MYO10: variants seen among roughly 807,000 people sequenced by gnomAD.
The protein encoded by MYO10 is unconventional myosin-X.
A neutral mutation model predicts 257.3 loss-of-function variants in MYO10; 133 were observed. That is an observed-to-expected ratio of 0.52 (90% CI 0.45 to 0.60). The LOEUF (loss-of-function observed/expected upper bound fraction) is 0.60. Ranked by LOEUF, MYO10 falls within the 20% of genes least tolerant of loss-of-function variation. The pLI is 0.00. For synonymous variants in MYO10, 1,104 were observed against 1,028.6 expected, an observed-to-expected ratio of 1.07 and a Z score of -1.40; for missense variants, 2,399 against 2,635.7, an observed-to-expected ratio of 0.91 and a Z score of 1.97.
chr5:16,746,779 C>T (rs1038076593), intron 19 of MYO10, among the ~76,000 whole-genome samples: 3 of 152,168 alleles, frequency 2.0e-5, no homozygotes, highest in Non-Finnish European at 4.4e-5. Context: ...CTGCTGTAAT[C>T]GGTGGTGCCT....
intron 21 of MYO10, among the ~76,000 whole-genome samples, chr5:16,706,583 C>A (rs910018442): frequency 6.6e-6 from 1 of 151,842 alleles, no homozygotes; most frequent in African/African-American, 2.4e-5. Context: ...GTGGTGGTGA[C>A]GAAAGAGACA....
Position 16,701,544 on chromosome 5 carries a change from C to A in MYO10, c.2851G>T (p.Asp951Tyr), listed in dbSNP as rs771275178. The A allele has an allele frequency of 6.2e-7, 1 of 1,613,964 alleles. No individual in the cohort carries two copies. The highest frequency in any genetic ancestry group is 8.5e-7 in the Non-Finnish European group (1 of 1,179,892). The change falls in exon 25 of 41, where the codon GAC (aspartate) becomes TAC (tyrosine). Residue 951 changes from aspartate to tyrosine, a missense_variant. By Grantham distance (160) the Asp-to-Tyr change is radical. Transcript: ENST00000513610. This position sits in a 1 kb window ranked among gnomAD's most constrained non-coding sequence, Gnocchi z 8.1. ...CGCTCGATATTCCGGACACACTCGT[C>A]GATCTCGTCGAAATTGAGGGACTCG... The part of the protein sequence containing the change: ...FLESLNFDEI[D>Y]ECVRNIERSL...
At chr5:16,748,303 G>A (rs1256915038) in intron 19 of MYO10, among the ~76,000 whole-genome samples, 1 of 151,980 alleles carries the variant, frequency 6.6e-6, no homozygotes, top group Non-Finnish European at 1.5e-5. Context: ...GGAGTGCAGT[G>A]GTGTGATCTC....
At position 16,760,794 on chromosome 5, in the gene MYO10, C is replaced by T. The variant is rs1049701116; in HGVS notation, c.1739+670G>A. ...AACCAGACCAGATCAAAACTGGACT[C>T]GATGGCTCACTGGTTACCAGTTGAG... is the stretch of plus-strand genomic sequence containing the variant. On this transcript the variant is annotated intron_variant, in intron 17 of 40. Coordinates refer to ENST00000513610, the MANE Select transcript of MYO10 (RefSeq NM_012334.3). Among the ~76,000 whole-genome samples, 12 of 151,966 alleles carry T rather than the reference C, an allele frequency of 7.9e-5. No individual in the cohort carries two copies. In the South Asian group the frequency reaches 8.3e-4, roughly 11 times the overall value.
At chr5:16,810,460 A>G (rs1397587171) in intron 3 of MYO10, among the ~76,000 whole-genome samples, 1 of 152,028 alleles carries the variant, frequency 6.6e-6, no homozygotes, top group Non-Finnish European at 1.5e-5. Context: ...TCCCTCTTAA[A>G]TCTTCTGAAA....
rs543115915 is a variant in MYO10, at chr5:16,850,132, A to G, written c.120+27477T>C. On this transcript the variant is annotated intron_variant, in intron 2 of 40. Coordinates refer to ENST00000513610, the MANE Select transcript of MYO10 (RefSeq NM_012334.3). ...GGTCTACACTGATATCCTTCAGTGT[A>G]TTCGTATTTGTCCACTGTGCCTGGA... Among the ~76,000 whole-genome samples, 21 of 152,336 alleles carry G rather than the reference A, an allele frequency of 1.4e-4. No individual in the cohort carries two copies. In the South Asian group the frequency reaches 4.1e-3, roughly 30 times the overall value.
At chr5:16,672,877 G>T (rs773568301) in intron 36 of MYO10, 52 bp from the exon 37 acceptor site, 2 of 1,584,556 alleles carry the variant, frequency 1.3e-6, no homozygotes, top group Non-Finnish European at 1.7e-6. Flanking sequence ...GCCCCAACAC[G>T]TGTTCCCAGA....
intron 1 of MYO10, among the ~76,000 whole-genome samples, chr5:16,900,744 G>GTTTGT (rs1554007454): frequency 3.8e-5 from 5 of 132,752 alleles, no homozygotes; most frequent in Non-Finnish European, 6.3e-5. Context: ...CCTAAATCTT[G>GTTTGT]TTTTTTTTTT....
chr5:16,933,956 C>T (rs1357340012), intron 1 of MYO10, among the ~76,000 whole-genome samples: 1 of 152,176 alleles, frequency 6.6e-6, no homozygotes, highest in Non-Finnish European at 1.5e-5. Flanking sequence ...GCTCTGGATT[C>T]GTGAACAAGC....
chr5:16,866,054 C>CACACACACAT (rs1252247880), intron 2 of MYO10, among the ~76,000 whole-genome samples: 8 of 147,066 alleles, frequency 5.4e-5, no homozygotes, highest in African/African-American at 2.0e-4. Flanking sequence ...CACACACACA[C>CACACACACAT]ACACAAAACA....
At chr5:16,818,348 C>G (rs79331606) in intron 2 of MYO10, among the ~76,000 whole-genome samples, 181 bp from the exon 3 acceptor site, 2,259 of 145,426 alleles carry the variant, frequency 0.016, 71 homozygotes, top group African/African-American at 0.05. Context: ...CTCTCTCTCT[C>G]TGTGTGTGTA....
chr5:16,734,605 G>A (rs1171429967), intron 19 of MYO10, among the ~76,000 whole-genome samples: 1 of 152,130 alleles, frequency 6.6e-6, no homozygotes, highest in African/African-American at 2.4e-5. Context: ...AGGAGTTCGA[G>A]ACCAGCCTGG....
At chr5:16,780,910 CATCTAA>C (rs1398250405) in intron 6 of MYO10, among the ~76,000 whole-genome samples, 169 bp from the exon 7 acceptor site, 1 of 152,154 alleles carries the variant, frequency 6.6e-6, no homozygotes, top group Admixed American at 6.6e-5. Context: ...TAGACTATTT[CATCTAA>C]ATCTAATTCC....
intron 19 of MYO10, among the ~76,000 whole-genome samples, chr5:16,718,374 A>G (rs59881777): frequency 0.053 from 8,128 of 152,348 alleles, 595 homozygotes; most frequent in African/African-American, 0.15. Flanking sequence ...CTCCACCTGC[A>G]GCCCTGGTGC....
intron 1 of MYO10, among the ~76,000 whole-genome samples, chr5:16,893,058 G>A (rs916975751): frequency 5.3e-5 from 8 of 151,876 alleles, no homozygotes; most frequent in South Asian, 2.1e-4. Flanking sequence ...TTAGCCGGGC[G>A]TGGTGGCGGG....
rs1736042206 is a variant in MYO10 at position 16,663,328 on chromosome 5, G to GTTTGTTTTTTTTTTTTTTTTTT, written c.*3363_*3364insAAAAAAAAAAAAAAAAAACAAA. 2 of 76,888 alleles carry GTTTGTTTTTTTTTTTTTTTTTT rather than the reference G, an allele frequency of 2.6e-5. 1 individual carries two copies. The highest frequency in any genetic ancestry group is 1.3e-4 in the African/African-American group (2 of 15,498). The allele number at this position is 76,888 out of a possible 1,614,324, so 4.8% of individuals were successfully genotyped here. On this transcript the variant is annotated 3_prime_UTR_variant, in exon 41 of 41. Transcript: ENST00000513610. ...AAAAAGTAACATTTTACTTCTAGTT[G>GTTTGTTTTTTTTTTTTTTTTTT]TTTTTTTTTTTTTTTTTTTTTTTTT...
At chr5:16,840,517 G>A (rs1743447042) in intron 2 of MYO10, among the ~76,000 whole-genome samples, 1 of 151,930 alleles carries the variant, frequency 6.6e-6, no homozygotes, top group Admixed American at 6.6e-5. Flanking sequence ...AGCAAAACAC[G>A]ATCCTTTCCA....
rs144143593 is a variant in MYO10 at position 16,891,379 on chromosome 5, G to GGAGA, written c.22-13676_22-13673dup. Among the ~76,000 whole-genome samples, 5 of 110,052 alleles carry GGAGA rather than the reference G, an allele frequency of 4.5e-5. No individual in the cohort carries two copies. In the South Asian group the frequency reaches 1.2e-3, roughly 25 times the overall value. The allele number at this position is 110,052 out of a possible 152,430, so 72.2% of individuals were successfully genotyped here. On this transcript the variant is annotated intron_variant, in intron 1 of 40. Coordinates refer to ENST00000513610, the MANE Select transcript of MYO10 (RefSeq NM_012334.3). ...AGGAAGGAAGGAAGGAAGGAAGGAAGGAGAGAGAGAGGAAGGAGGAAGGAG... is the reference window on the plus strand; with the variant it reads ...AGGAAGGAAGGAAGGAAGGAAGGAAGGAGAGAGAGAGAGAGGAAGGAGGAAGGAG...
At chr5:16,802,530 G>A (rs541842657) in intron 3 of MYO10, among the ~76,000 whole-genome samples, 7 of 151,336 alleles carry the variant, frequency 4.6e-5, no homozygotes, top group Non-Finnish European at 7.4e-5. Context: ...AGTGGCAGGC[G>A]CCTGTAGTCC....
Sources: allele counts gnomAD v4.1 joint callset (sites outside exome capture counted in the v4.1 genomes callset), GRCh38; gene constraint gnomAD v4.1.1; non-coding constraint Gnocchi (gnomAD v3.1); transcripts MANE v1.5; gene names NCBI Gene and HGNC (gene_info 2026-07-23, HGNC 2026-07-21).